NLRP3: variants seen among roughly 807,000 people sequenced by gnomAD.
NLRP3 encodes the protein NLR family pyrin domain containing 3.
In NLRP3, 48 loss-of-function variants were observed where a neutral mutation model predicts 91.3. The observed-to-expected ratio is 0.53, with a 90% CI of 0.42 to 0.67. The LOEUF is 0.67. Ranked by LOEUF, NLRP3 falls within the 30% of genes least tolerant of loss-of-function variation. The pLI is 0.00. For synonymous variants in NLRP3, 561 were observed against 507.9 expected, an observed-to-expected ratio of 1.10 and a Z score of -1.41; for missense variants, 982 against 1,276.9, an observed-to-expected ratio of 0.77 and a Z score of 3.52.
chr1:247,432,177 C>T (rs963741929), intron 5 of NLRP3, among the ~76,000 whole-genome samples: 1 of 152,236 alleles, frequency 6.6e-6, no homozygotes, highest in Non-Finnish European at 1.5e-5. Flanking sequence ...GCCACCGTGC[C>T]CGGCCTTAGT....
intron 2 of NLRP3, among the ~76,000 whole-genome samples, chr1:247,422,575 T>C (rs892015935): frequency 1.6e-4 from 24 of 152,270 alleles, no homozygotes; most frequent in African/African-American, 3.9e-4. Flanking sequence ...TGGAATCACC[T>C]GGGAGCTTTT....
Position 247,421,032 on chromosome 1 carries a change from G to A in NLRP3, c.277+1955G>A, listed in dbSNP as rs145181652. Among the ~76,000 whole-genome samples the A allele has an allele frequency of 4.0e-3, 608 of 152,320 alleles. 4 individuals are homozygous for A. The highest frequency in any genetic ancestry group is 0.014 in the African/African-American group (571 of 41,560). On this transcript the variant is annotated intron_variant, in intron 2 of 9. Coordinates refer to ENST00000336119, the MANE Select transcript of NLRP3 (RefSeq NM_001243133.2). ...GGGCAGCCTCTCTCCTTGAAGAACC[G>A]TGGAGTTTGGGGCAGAAGCCTTTCC...
chr1:247,447,279 G>A (rs1226860308), intron 9 of NLRP3, among the ~76,000 whole-genome samples: 3 of 152,126 alleles, frequency 2.0e-5, no homozygotes, highest in Non-Finnish European at 2.9e-5. Flanking sequence ...TGGAGGGAGG[G>A]GAGGCAAGGG....
rs1662753266 is a variant in NLRP3 at position 247,424,899 on chromosome 1, G to T, written c.1450G>T (p.Glu484Ter). Reference sequence around the variant, plus strand: ...CTGGAACCAGAAAATCCTGTTTGAGGAGTCCGACCTCAGGAATCATGGACT... The same window carrying T: ...CTGGAACCAGAAAATCCTGTTTGAGTAGTCCGACCTCAGGAATCATGGACT... ...GIWNQKILFE[E>*]SDLRNHGLQK... is the part of the protein sequence containing the mutation. Residue 484 changes from glutamate (E) to a stop codon, truncating the protein, a stop_gained, in exon 4 of 10, where the codon GAG becomes TAG. Transcript: ENST00000336119. LOFTEE classifies it high-confidence loss of function. The surrounding 1 kb of genome is among the most constrained non-coding windows in gnomAD (Gnocchi z 8.1). 6.2e-6 allele frequency: 10 copies of T among 1,611,110 alleles called. No individual in the cohort carries two copies. The highest frequency in any genetic ancestry group is 1.3e-5 in the African/African-American group (1 of 75,058).
chr1:247,440,085 TATAGCCTACGTGTTAGG>T (rs1664099432), intron 7 of NLRP3, among the ~76,000 whole-genome samples: 1 of 23,912 alleles, frequency 4.2e-5, no homozygotes, highest in Non-Finnish European at 1.0e-4. Flanking sequence ...ATGGGTTAGG[TATAGCCTACGTGTTAGG>T]TATAGCCTAT....
At position 247,436,083 on chromosome 1, in the gene NLRP3, G is replaced by A; in HGVS notation, c.2606G>A (p.Gly869Glu). 6.2e-7 allele frequency: 1 copy of A among 1,614,176 alleles called. No individual in the cohort carries two copies. The highest frequency in any genetic ancestry group is 8.5e-7 in the Non-Finnish European group (1 of 1,180,034). The change falls in exon 7 of 10, where the codon GGA becomes GAA. Residue 869 changes from glycine to glutamate, a missense_variant. Coordinates refer to ENST00000336119, the MANE Select transcript of NLRP3 (RefSeq NM_001243133.2). ...YVGENALGDS[G>E]VAILCEKAKN... ...GGGGAGAATGCCTTGGGAGACTCAG[G>A]AGTCGCAATTTTATGTGAAAAAGCC...
Position 247,428,887 on chromosome 1 carries a change from TTTC to T in NLRP3, c.2151-695_2151-693del, listed in dbSNP as rs1300913457. On this transcript the variant is annotated intron_variant, in intron 4 of 9. Transcript: ENST00000336119. ...CATGGATGTGGCCTGGGCTTGCGAT[TTTC>T]TTTTTCTTTTTTTTTTTTTTGAGAT... 3.9e-5 allele frequency among the ~76,000 whole-genome samples: 4 copies of T among 101,372 alleles called. 1 individual carries two copies. Among genetic ancestry groups the T allele is most frequent in the Admixed American group, 3.8e-4 (4 of 10,590 alleles). The allele number at this position is 101,372 out of a possible 152,430, so 66.5% of individuals were successfully genotyped here. A position where few individuals can be genotyped will look rare whatever the true frequency, so the allele number is the denominator to read the frequency against.
chr1:247,444,168 A>C (rs945205100), intron 8 of NLRP3, 26 bp downstream of exon 8: 16 of 1,613,160 alleles, frequency 9.9e-6, no homozygotes, highest in Non-Finnish European at 1.4e-5. Flanking sequence ...TATTACAGCA[A>C]TGAGAACACA....
chr1:247,417,301 A>G (rs986936241), intron 1 of NLRP3, among the ~76,000 whole-genome samples: 2 of 152,106 alleles, frequency 1.3e-5, no homozygotes, highest in African/African-American at 4.8e-5. Flanking sequence ...CAGTTTATGC[A>G]TCTATAAAAT....
At chr1:247,443,118 T>C (rs1467522995) in intron 7 of NLRP3, among the ~76,000 whole-genome samples, 1 of 152,146 alleles carries the variant, frequency 6.6e-6, no homozygotes, top group Non-Finnish European at 1.5e-5. Flanking sequence ...AGAGATGGGC[T>C]TTCACCATGT....
At position 247,424,386 on chromosome 1, in the gene NLRP3, A is replaced by G. The variant is rs180177501; in HGVS notation, c.937A>G (p.Ile313Val). The G allele has an allele frequency of 1.9e-4, 308 of 1,613,896 alleles. No homozygotes were observed. Among genetic ancestry groups the G allele is most frequent in the Middle Eastern group, 1.2e-3 (7 of 6,084 alleles). Reference protein sequence around the residue: ...DELQGAFDEHIGPLCTDWQKA... With the variant: ...DELQGAFDEHVGPLCTDWQKA... ...GCTGCAAGGTGCCTTTGACGAGCAC[A>G]TAGGACCGCTCTGCACTGACTGGCA... Residue 313 changes from isoleucine (I) to valine (V), a missense_variant, in exon 4 of 10, where the codon ATA becomes GTA. Coordinates refer to ENST00000336119, the MANE Select transcript of NLRP3 (RefSeq NM_001243133.2). The surrounding 1 kb of genome is among the most constrained non-coding windows in gnomAD (Gnocchi z 8.1).
intron 9 of NLRP3, among the ~76,000 whole-genome samples, chr1:247,445,658 C>T (rs546553902): frequency 2.0e-5 from 3 of 152,314 alleles, no homozygotes; most frequent in East Asian, 1.9e-4. Flanking sequence ...GCGAGTCCCA[C>T]GGTTCTGTCA....
At chr1:247,445,357 C>T (rs915419936) in intron 9 of NLRP3, among the ~76,000 whole-genome samples, 6 of 152,056 alleles carry the variant, frequency 3.9e-5, no homozygotes, top group Non-Finnish European at 7.4e-5. Flanking sequence ...CCTGCCACCA[C>T]ACCCGGCTAA....
At chr1:247,428,465 A>C (rs1284755219) in intron 4 of NLRP3, among the ~76,000 whole-genome samples, 1 of 152,238 alleles carries the variant, frequency 6.6e-6, no homozygotes, top group African/African-American at 2.4e-5. Flanking sequence ...GCTACAGGTG[A>C]TTCAAAGGTG....
chr1:247,430,409 C>A (rs1472104769), intron 5 of NLRP3, among the ~76,000 whole-genome samples: 2 of 147,228 alleles, frequency 1.4e-5, no homozygotes, highest in African/African-American at 4.9e-5. Flanking sequence ...GGACAGCAGT[C>A]CTGATGGATT....
At chr1:247,436,753 G>GT (rs575609208) in intron 7 of NLRP3, among the ~76,000 whole-genome samples, 25 of 151,916 alleles carry the variant, frequency 1.6e-4, no homozygotes, top group African/African-American at 3.1e-4. Flanking sequence ...TGATTTCCTT[G>GT]TTTTTTTTGG....
chr1:247,436,690 GTGGA>G (rs1389218624), intron 7 of NLRP3, among the ~76,000 whole-genome samples: 2 of 152,204 alleles, frequency 1.3e-5, no homozygotes, highest in African/African-American at 4.8e-5. Context: ...ATGATGCATG[GTGGA>G]TGTTTTACCT....
intron 9 of NLRP3, among the ~76,000 whole-genome samples, chr1:247,447,681 T>C (rs544183922): frequency 6.6e-6 from 1 of 152,262 alleles, no homozygotes; most frequent in East Asian, 1.9e-4. Context: ...TACAAGACAG[T>C]TGAGGAAGCG....
chr1:247,428,432 C>T (rs891093260), intron 4 of NLRP3, among the ~76,000 whole-genome samples: 1 of 152,238 alleles, frequency 6.6e-6, no homozygotes, highest in Non-Finnish European at 1.5e-5. Flanking sequence ...ACCTAGAGAG[C>T]TAGACTTTGC....
Sources: allele counts gnomAD v4.1 joint callset (sites outside exome capture counted in the v4.1 genomes callset), GRCh38; gene constraint gnomAD v4.1.1; non-coding constraint Gnocchi (gnomAD v3.1); transcripts MANE v1.5; gene names NCBI Gene and HGNC (gene_info 2026-07-23, HGNC 2026-07-21).